The following CUL4A variants were observed in gnomAD, a reference collection of about 807,000 sequenced individuals.
CUL4A encodes cullin-4A.
CUL4A carries 16 observed loss-of-function variants against 95.5 expected under a neutral mutation model. The observed-to-expected ratio is 0.17, with a 90% CI of 0.11 to 0.25. The LOEUF (loss-of-function observed/expected upper bound fraction) is 0.25, where lower values mean the gene tolerates loss of function less well. Ranked by LOEUF, CUL4A falls within the 10% of genes least tolerant of loss-of-function variation. CUL4A has a pLI of 1.00. For synonymous variants in CUL4A, 380 were observed against 353.1 expected, an observed-to-expected ratio of 1.08 and a Z score of -0.85; for missense variants, 610 against 937.0, an observed-to-expected ratio of 0.65 and a Z score of 4.56.
At chr13:113,232,501 G>A (rs959543371) in intron 5 of CUL4A, among the ~76,000 whole-genome samples, 1 of 152,124 alleles carries the variant, frequency 6.6e-6, no homozygotes, top group African/African-American at 2.4e-5. Flanking sequence ...TGTATTTTTG[G>A]CCCCTCCTTA....
intron 2 of CUL4A, among the ~76,000 whole-genome samples, chr13:113,210,858 A>C (rs929136037): frequency 1.3e-5 from 2 of 152,262 alleles, no homozygotes; most frequent in Non-Finnish European, 2.9e-5. Flanking sequence ...ACAAAAAAGA[A>C]GACTTCAATC....
At chr13:113,218,399 T>A (rs1183547629) in intron 2 of CUL4A, among the ~76,000 whole-genome samples, 1 of 152,182 alleles carries the variant, frequency 6.6e-6, no homozygotes, top group African/African-American at 2.4e-5. Context: ...CAGTTTGGAT[T>A]GAATCACTGC....
intron 3 of CUL4A, among the ~76,000 whole-genome samples, chr13:113,223,373 T>C (rs1178936334): frequency 6.6e-6 from 1 of 152,046 alleles, no homozygotes; most frequent in Non-Finnish European, 1.5e-5. Flanking sequence ...AACTCTACTT[T>C]CTAAGATTTA....
rs9577482 is a variant in CUL4A, at chr13:113,236,174, A to C, written c.849-649A>C. Among the ~76,000 whole-genome samples, 2,352 of 149,658 alleles carry C rather than the reference A, an allele frequency of 0.016. 161 individuals are homozygous for C. The East Asian group carries it at 0.2, about 13-fold the overall frequency. ...CTGACAGAATCCAGCACAAAAACAG[A>C]GAGGGTGCAGAAAAAGAGATTTGGT... On this transcript the variant is annotated intron_variant, in intron 8 of 19. Coordinates refer to ENST00000375440, the MANE Select transcript of CUL4A (RefSeq NM_001008895.4).
Position 113,263,593 on chromosome 13 carries a change from G to C in CUL4A, c.*11G>C. On this transcript the variant is annotated 3_prime_UTR_variant, in exon 20 of 20. Coordinates refer to ENST00000375440, the MANE Select transcript of CUL4A (RefSeq NM_001008895.4). ...CACTACGTGGCCTGACGCATCTGCA[G>C]ACGGTTCCCCTTCATGAAACACTAG... The C allele has an allele frequency of 1.3e-6, 2 of 1,549,052 alleles. No individual in the cohort carries two copies. The highest frequency in any genetic ancestry group is 2.3e-5 in the South Asian group (2 of 85,416).
At position 113,230,135 on chromosome 13, in the gene CUL4A, C is replaced by T. The variant is rs373317303; in HGVS notation, c.512+616C>T. ...GGACAAAAGCTGTGTCCGGTCTCAC[C>T]GTCTGATTTGTCTTGTTCTCTGTTA... On this transcript the variant is annotated intron_variant, in intron 5 of 19. Transcript: ENST00000375440. 33 of 161,894 alleles carry T rather than the reference C, an allele frequency of 2.0e-4. No homozygotes were observed. The South Asian group carries it at 6.7e-3, about 33-fold the overall frequency. 10.0% of individuals were successfully genotyped at this position (161,894 alleles called of 1,614,324 possible).
chr13:113,257,669 C>T (rs1197797167), intron 18 of CUL4A, among the ~76,000 whole-genome samples: 1 of 147,244 alleles, frequency 6.8e-6, no homozygotes, highest in Non-Finnish European at 1.5e-5. Flanking sequence ...CCATCTCCAA[C>T]ACTGGAGACC....
At chr13:113,224,578 T>A (rs1186090088) in intron 3 of CUL4A, among the ~76,000 whole-genome samples, 1 of 152,206 alleles carries the variant, frequency 6.6e-6, no homozygotes, top group Non-Finnish European at 1.5e-5. Context: ...AAAGCTCCAG[T>A]TTCCTCTAAG....
At chr13:113,223,259 A>G (rs2040968393) in intron 3 of CUL4A, among the ~76,000 whole-genome samples, 2 of 152,178 alleles carry the variant, frequency 1.3e-5, no homozygotes, top group African/African-American at 2.4e-5. Flanking sequence ...ACCTGGGGAA[A>G]TGTTAATGTG....
At chr13:113,257,749 C>T (rs890763285) in intron 18 of CUL4A, among the ~76,000 whole-genome samples, 8 of 152,196 alleles carry the variant, frequency 5.3e-5, no homozygotes, top group African/African-American at 1.2e-4. Flanking sequence ...GAGAAATTCC[C>T]TTAACCAGAG....
At chr13:113,222,787 C>T (rs987952062) in intron 3 of CUL4A, among the ~76,000 whole-genome samples, 2 of 152,172 alleles carry the variant, frequency 1.3e-5, no homozygotes, top group African/African-American at 4.8e-5. Context: ...GTGGTCCCAG[C>T]TACTCTGGAG....
intron 8 of CUL4A, among the ~76,000 whole-genome samples, chr13:113,235,742 G>A (rs138315200): frequency 6.6e-6 from 1 of 151,974 alleles, no homozygotes; most frequent in East Asian, 1.9e-4. Flanking sequence ...AGGCTGAGGT[G>A]GGCAGATCAC....
chr13:113,244,557 G>A (rs773543319), intron 12 of CUL4A, 43 bp downstream of exon 12: 1 of 1,402,736 alleles, frequency 7.1e-7, no homozygotes, highest in Non-Finnish European at 1.0e-6. Flanking sequence ...ATCAAGAGGT[G>A]TAAACAGGCC....
At position 113,209,786 on chromosome 13, in the gene CUL4A, C is replaced by T. The variant is rs1486211222; in HGVS notation, c.148+11C>T. 8.5e-7 allele frequency: 1 copy of T among 1,176,502 alleles called. No individual in the cohort carries two copies. Among genetic ancestry groups the T allele is most frequent in the Non-Finnish European group, 1.0e-6 (1 of 952,398 alleles). The allele number at this position is 1,176,502 out of a possible 1,614,324, so 72.9% of individuals were successfully genotyped here. On this transcript the variant is annotated intron_variant, in intron 1 of 19. Coordinates refer to ENST00000375440, the MANE Select transcript of CUL4A (RefSeq NM_001008895.4). The stretch of plus-strand genomic sequence containing the variant: ...TCAAGAACTTCCGAGGTGGGTGCGG[C>T]GGCCGGGTCGAGGGCCAGGCGCCCC...
intron 15 of CUL4A, among the ~76,000 whole-genome samples, chr13:113,251,261 G>A (rs1213545787): frequency 1.3e-5 from 2 of 152,218 alleles, no homozygotes; most frequent in Middle Eastern, 3.2e-3. Context: ...ATGGGATATG[G>A]GATCCAGCAG....
chr13:113,230,793 C>T (rs1364613284), intron 5 of CUL4A, among the ~76,000 whole-genome samples: 2 of 151,506 alleles, frequency 1.3e-5, no homozygotes, highest in African/African-American at 2.4e-5. Flanking sequence ...TTTTTAGAGA[C>T]AGGGTCTCAC....
chr13:113,263,884 T>C lies in CUL4A; in HGVS notation c.*302T>C. The C allele has an allele frequency of 4.3e-6, 1 of 232,896 alleles. No individual in the cohort carries two copies. Among genetic ancestry groups the C allele is most frequent in the Non-Finnish European group, 8.2e-6 (1 of 121,374 alleles). The allele number at this position is 232,896 out of a possible 1,614,324, so 14.4% of individuals were successfully genotyped here. A position where few individuals can be genotyped will look rare whatever the true frequency, so the allele number is the denominator to read the frequency against. ...TAAAGAGAAGTTCCTTTAAAAGGTC[T>C]TGTTCTTGTGTCAAAAAGCTGCAAG... On this transcript the variant is annotated 3_prime_UTR_variant, in exon 20 of 20. Coordinates refer to ENST00000375440, the MANE Select transcript of CUL4A (RefSeq NM_001008895.4).
intron 7 of CUL4A, among the ~76,000 whole-genome samples, chr13:113,234,657 A>G (rs546121465): frequency 1.3e-5 from 2 of 152,130 alleles, no homozygotes; most frequent in Admixed American, 6.5e-5. Flanking sequence ...GTGTCCCCCA[A>G]ATGAACAACC....
At chr13:113,236,140 G>C (rs1013921448) in intron 8 of CUL4A, among the ~76,000 whole-genome samples, 1 of 152,176 alleles carries the variant, frequency 6.6e-6, no homozygotes, top group African/African-American at 2.4e-5. Context: ...TGCGGAAAGG[G>C]GAAGGATTCT....
Sources: gnomAD v4.1 joint callset for allele counts (sites outside exome capture counted in the v4.1 genomes callset) on GRCh38, gnomAD v4.1.1 for gene constraint, MANE v1.5 for transcripts, NCBI Gene and HGNC (gene_info 2026-07-23, HGNC 2026-07-21) for gene names.